Variants in LRRC37A2 observed in about 807,000 individuals in gnomAD.
LRRC37A2 encodes leucine rich repeat containing 37 member A2, also known as leucine-rich repeat-containing protein 37A2.
In LRRC37A2, 9 loss-of-function variants were observed where a neutral mutation model predicts 68.8. The observed-to-expected ratio is 0.13, with a 90% CI of 0.08 to 0.23. LRRC37A2 has a LOEUF of 0.23. LRRC37A2 is among the 10% of genes least tolerant of loss of function. The pLI is 1.00. For missense variants in LRRC37A2, 168 were observed against 950.4 expected (o/e 0.18, Z 10.82); for synonymous variants, 63 against 367.6 (o/e 0.17, Z 9.48).
chr17:46,492,478 C>T, the LRRC37A2 span, among the ~76,000 whole-genome samples: 1 of 150,504 alleles, frequency 6.6e-6, no homozygotes, highest in African/African-American at 2.5e-5. Flanking sequence ...CTGCCGTAAA[C>T]ATTTCCATAA....
the LRRC37A2 span, among the ~76,000 whole-genome samples, chr17:46,819,941 G>A: frequency 6.6e-6 from 1 of 152,238 alleles, no homozygotes; most frequent in African/African-American, 2.4e-5. This position sits in a 1 kb window ranked among gnomAD's most constrained non-coding sequence, Gnocchi z 5.3. Flanking sequence ...AGGACTCTGC[G>A]CAGCCCCGGT....
chr17:46,811,470 T>C, the LRRC37A2 span, among the ~76,000 whole-genome samples: 1 of 152,196 alleles, frequency 6.6e-6, no homozygotes, highest in South Asian at 2.1e-4. Flanking sequence ...GTAGCCACTG[T>C]GCTCACGAGG....
chr17:46,940,829 A>G, the LRRC37A2 span: 1 of 1,462,748 alleles, frequency 6.8e-7, no homozygotes, highest in Non-Finnish European at 9.0e-7. Context: ...GCTGGTGGAC[A>G]GCAGCCAGTG....
the LRRC37A2 span, among the ~76,000 whole-genome samples, chr17:46,894,124 A>C: frequency 2.6e-5 from 4 of 152,224 alleles, no homozygotes; most frequent in Admixed American, 1.3e-4. Flanking sequence ...AACACCTCGA[A>C]CATACAAAAC....
chr17:46,783,892 C>T, the LRRC37A2 span, among the ~76,000 whole-genome samples: 1 of 152,226 alleles, frequency 6.6e-6, no homozygotes. Flanking sequence ...CAAACTAGCA[C>T]CTTCCTTAGC....
the LRRC37A2 span, among the ~76,000 whole-genome samples, chr17:46,493,497 G>C: frequency 8.2e-6 from 1 of 121,378 alleles, no homozygotes. Flanking sequence ...TGTTTAATTG[G>C]GTTGCTTTCT....
At chr17:47,019,421 G>A in the LRRC37A2 span, 1 of 1,611,116 alleles carries the variant, frequency 6.2e-7, no homozygotes, top group South Asian at 1.1e-5. Context: ...CCACGGAGGA[G>A]ACCTCAACTC....
At chr17:46,939,027 G>A in the LRRC37A2 span, 2 of 1,293,818 alleles carry the variant, frequency 1.5e-6, no homozygotes, top group Non-Finnish European at 2.0e-6. Flanking sequence ...CTCACTGGGG[G>A]AGGGAAAGAA....
the LRRC37A2 span, among the ~76,000 whole-genome samples, chr17:46,819,510 G>C: frequency 6.6e-6 from 1 of 152,176 alleles, no homozygotes. The surrounding 1 kb of genome is among the most constrained non-coding windows in gnomAD (Gnocchi z 5.3). Context: ...CGGGTCGGAG[G>C]CGTGACCCAC....
the LRRC37A2 span, among the ~76,000 whole-genome samples, chr17:46,796,258 TC>T: frequency 6.6e-6 from 1 of 152,226 alleles, no homozygotes; most frequent in Non-Finnish European, 1.5e-5. Context: ...TTTGTCACAG[TC>T]CCTGGCACAT....
chr17:46,931,178 G>T, the LRRC37A2 span: 5 of 1,600,200 alleles, frequency 3.1e-6, no homozygotes, highest in African/African-American at 5.3e-5. Context: ...CCAGCAAGGA[G>T]CCCCCTAACA....
At chr17:46,945,348 G>T in the LRRC37A2 span, among the ~76,000 whole-genome samples, 1 of 152,182 alleles carries the variant, frequency 6.6e-6, no homozygotes, top group African/African-American at 2.4e-5. Flanking sequence ...TGTCAGGCTG[G>T]TGTGGGTGTG....
At chr17:46,721,825 T>A in the LRRC37A2 span, 2 of 1,597,762 alleles carry the variant, frequency 1.3e-6, no homozygotes, top group Non-Finnish European at 1.7e-6. Context: ...TGGGACACTT[T>A]TGCTTATTTT....
chr17:46,522,508 A>G (rs1290018826), intron 4 of LRRC37A2, among the ~76,000 whole-genome samples: 1,076 of 103,430 alleles, frequency 0.01, no homozygotes, highest in African/African-American at 0.04. Context: ...GCAGTGGTGC[A>G]ATCTTGGCTC....
the LRRC37A2 span, among the ~76,000 whole-genome samples, chr17:46,579,990 G>T: frequency 1.3e-5 from 2 of 148,890 alleles, no homozygotes; most frequent in Non-Finnish European, 3.0e-5. Flanking sequence ...TGGGAAAATC[G>T]CCGAGGTTTG....
At chr17:46,631,118 A>T in the LRRC37A2 span, among the ~76,000 whole-genome samples, 11 of 130,422 alleles carry the variant, frequency 8.4e-5, no homozygotes, top group East Asian at 2.0e-3. Context: ...CTTTTATCCT[A>T]CTCCTCATTT....
At chr17:46,874,824 C>T in the LRRC37A2 span, 36 of 575,928 alleles carry the variant, frequency 6.3e-5, no homozygotes, top group African/African-American at 3.4e-4. Flanking sequence ...ATGATCCGCC[C>T]GCCTTGGCCT....
chr17:46,980,798 A>G, the LRRC37A2 span, among the ~76,000 whole-genome samples: 1 of 151,964 alleles, frequency 6.6e-6, no homozygotes, highest in East Asian at 1.9e-4. Context: ...ACGCCACTGC[A>G]CTCCAGCCTG....
chr17:46,725,089 C>T, the LRRC37A2 span, among the ~76,000 whole-genome samples: 10 of 152,080 alleles, frequency 6.6e-5, no homozygotes, highest in African/African-American at 2.4e-4. Flanking sequence ...GGCTTGCAAT[C>T]TAGTATAATA....
Sources: gnomAD v4.1 joint callset for allele counts (sites outside exome capture counted in the v4.1 genomes callset) on GRCh38, gnomAD v4.1.1 for gene constraint, Gnocchi (gnomAD v3.1) non-coding constraint, MANE v1.5 for transcripts, NCBI Gene and HGNC (gene_info 2026-07-23, HGNC 2026-07-21) for gene names.